DOCK7: variants seen among roughly 807,000 people sequenced by gnomAD.
DOCK7 encodes the protein dedicator of cytokinesis protein 7.
Under a neutral mutation model 271.0 loss-of-function variants are expected in DOCK7, and 138 were observed. The ratio of observed to expected loss-of-function variants is 0.51; its 90% confidence interval spans 0.44 to 0.59. DOCK7 has a LOEUF of 0.59. Ranked by LOEUF, DOCK7 falls within the 20% of genes least tolerant of loss-of-function variation. DOCK7 has a pLI of 0.00. For synonymous variants in DOCK7, 823 were observed against 876.1 expected, an observed-to-expected ratio of 0.94 and a Z score of 1.07; for missense variants, 2,066 against 2,592.4, an observed-to-expected ratio of 0.80 and a Z score of 4.41.
At chr1:62,677,076 TAA>T (rs1372417957) in intron 1 of DOCK7, among the ~76,000 whole-genome samples, 1 of 152,214 alleles carries the variant, frequency 6.6e-6, no homozygotes, top group Non-Finnish European at 1.5e-5. Flanking sequence ...GGAACCACTA[TAA>T]ATGACTAAAC....
At chr1:62,471,160 A>AACTATGTATTATATACATAGGT (rs1553150669) in intron 48 of DOCK7, among the ~76,000 whole-genome samples, 1 of 152,170 alleles carries the variant, frequency 6.6e-6, no homozygotes, top group Non-Finnish European at 1.5e-5. Context: ...TAATACATAT[A>AACTATGTATTATATACATAGGT]ACATAAAAAC....
At chr1:62,498,406 C>T (rs1243221143) in intron 37 of DOCK7, among the ~76,000 whole-genome samples, 1 of 152,034 alleles carries the variant, frequency 6.6e-6, no homozygotes, top group African/African-American at 2.4e-5. Flanking sequence ...TCTGAAAACC[C>T]ATCCCTGAAT....
chr1:62,614,063 G>T (rs575790364), intron 14 of DOCK7, among the ~76,000 whole-genome samples: 2 of 151,910 alleles, frequency 1.3e-5, no homozygotes, highest in African/African-American at 4.8e-5. Flanking sequence ...ACAAATATTT[G>T]TATAGTGACC....
intron 14 of DOCK7, among the ~76,000 whole-genome samples, chr1:62,589,739 C>T (rs1381237528): frequency 6.6e-6 from 1 of 151,798 alleles, no homozygotes; most frequent in Non-Finnish European, 1.5e-5. Flanking sequence ...TTTTCCCAAG[C>T]TGAGAGTTAT....
At chr1:62,508,467 T>C (rs1644379397) in intron 34 of DOCK7, among the ~76,000 whole-genome samples, 1 of 152,220 alleles carries the variant, frequency 6.6e-6, no homozygotes, top group Non-Finnish European at 1.5e-5. Flanking sequence ...GTATTCAGGA[T>C]AAATGTACTT....
chr1:62,533,180 A>G (rs555388288), intron 29 of DOCK7, among the ~76,000 whole-genome samples: 1 of 151,988 alleles, frequency 6.6e-6, no homozygotes, highest in Non-Finnish European at 1.5e-5. Flanking sequence ...GCTCCTTAAA[A>G]CCAAAAATAA....
intron 12 of DOCK7, among the ~76,000 whole-genome samples, chr1:62,624,514 T>A (rs911807417): frequency 7.2e-5 from 11 of 152,222 alleles, no homozygotes; most frequent in African/African-American, 2.7e-4. Flanking sequence ...GACCTCATTT[T>A]AGCACAAAAT....
rs1646502592 is a variant in DOCK7, at chr1:62,492,729, T to C, written c.5336A>G (p.Glu1779Gly). 6 of 1,614,014 alleles carry C rather than the reference T, an allele frequency of 3.7e-6. No homozygotes were observed. Among genetic ancestry groups the C allele is most frequent in the Non-Finnish European group, 5.1e-6 (6 of 1,180,000 alleles). The change falls in exon 41 of 50, where the codon GAA (glutamate) becomes GGA (glycine). Residue 1779 changes from glutamate (E) to glycine (G), a missense_variant. Coordinates refer to ENST00000635253, the MANE Select transcript of DOCK7 (RefSeq NM_001367561.1). ...FTESGLVGLL[E>G]QAAASFSMAG... ...CATAGAGAAGGAAGCAGCTGCTTGTTCCAGTAATCCCACAAGTCCTGACTC... is the reference window on the plus strand; with the variant it reads ...CATAGAGAAGGAAGCAGCTGCTTGTCCCAGTAATCCCACAAGTCCTGACTC...
chr1:62,630,333 C>T (rs1032768246), intron 11 of DOCK7, among the ~76,000 whole-genome samples: 2 of 152,096 alleles, frequency 1.3e-5, no homozygotes, highest in African/African-American at 4.8e-5. Flanking sequence ...CTGTGGTTTT[C>T]GGTCCAGCTC....
rs150751978 is a variant in DOCK7 at position 62,686,530 on chromosome 1, C to T, written c.38+1697G>A. 3.4e-3 allele frequency among the ~76,000 whole-genome samples: 520 copies of T among 151,694 alleles called. 6 individuals are homozygous for T. The highest frequency in any genetic ancestry group is 0.011 in the African/African-American group (471 of 41,258). The stretch of plus-strand genomic sequence containing the variant: ...ATGACATCATCATCAGAAGTAAGAC[C>T]TAATTATTTTACAAAAAAAAAAAAT... On this transcript the variant is annotated intron_variant, in intron 1 of 49. Coordinates refer to ENST00000635253, the MANE Select transcript of DOCK7 (RefSeq NM_001367561.1).
chr1:62,501,125 A>G (rs1250110987), intron 37 of DOCK7, among the ~76,000 whole-genome samples: 1 of 152,132 alleles, frequency 6.6e-6, no homozygotes, highest in East Asian at 1.9e-4. Context: ...TGCAGGGAGG[A>G]CTGCCTGAGC....
At chr1:62,478,769 A>C (rs926689662) in intron 43 of DOCK7, 1 of 152,152 alleles carries the variant, frequency 6.6e-6, no homozygotes, top group Non-Finnish European at 1.5e-5. Context: ...AAGGAAAAAA[A>C]AATCTATGAG....
intron 14 of DOCK7, among the ~76,000 whole-genome samples, chr1:62,613,156 T>C (rs1652006607): frequency 6.6e-6 from 1 of 152,224 alleles, no homozygotes; most frequent in Admixed American, 6.5e-5. Flanking sequence ...TTGAGAAAGA[T>C]CTTTATTTGG....
At chr1:62,497,553 A>G (rs1320547501) in intron 37 of DOCK7, among the ~76,000 whole-genome samples, 1 of 152,208 alleles carries the variant, frequency 6.6e-6, no homozygotes, top group African/African-American at 2.4e-5. Context: ...TTTTCATACC[A>G]TAAATCCAAA....
chr1:62,663,061 G>GT lies in DOCK7; in HGVS notation c.107dup (p.Asn36LysfsTer3). On this transcript the variant is annotated frameshift_variant, in exon 2 of 50. Transcript: ENST00000635253. LOFTEE classifies it high-confidence loss of function. The stretch of plus-strand genomic sequence containing the variant: ...GGGATATATTGCCAACAATATTAAG[G>GT]TTTTTGAGCAGTTGGGGAGAACCAC... 6.2e-7 allele frequency: 1 copy of GT among 1,612,868 alleles called. No homozygotes were observed. Among genetic ancestry groups the GT allele is most frequent in the Non-Finnish European group, 8.5e-7 (1 of 1,179,564 alleles).
intron 29 of DOCK7, among the ~76,000 whole-genome samples, chr1:62,531,477 T>C (rs1455140077): frequency 1.3e-5 from 2 of 152,230 alleles, no homozygotes; most frequent in African/African-American, 4.8e-5. Context: ...ATACTTCAAA[T>C]AATTCTTCAA....
chr1:62,644,274 A>C (rs1656370474), intron 7 of DOCK7, among the ~76,000 whole-genome samples: 1 of 152,236 alleles, frequency 6.6e-6, no homozygotes, highest in Admixed American at 6.5e-5. Flanking sequence ...ATAGTAGGTA[A>C]GCTTATGACC....
intron 2 of DOCK7, 147 bp from the exon 3 acceptor site, chr1:62,654,306 T>A: frequency 1.3e-6 from 1 of 748,718 alleles, no homozygotes; most frequent in Non-Finnish European, 2.1e-6. Flanking sequence ...CCAGATGCAC[T>A]AAAGAAAACA....
intron 11 of DOCK7, chr1:62,627,445 T>C (rs565055049): frequency 3.0e-4 from 45 of 152,272 alleles, no homozygotes; most frequent in African/African-American, 1.1e-3. Flanking sequence ...TACTTTTTAT[T>C]TGCAGATGAC....
Sources: gnomAD v4.1 joint callset for allele counts (sites outside exome capture counted in the v4.1 genomes callset) on GRCh38, gnomAD v4.1.1 for gene constraint, MANE v1.5 for transcripts, NCBI Gene and HGNC (gene_info 2026-07-23, HGNC 2026-07-21) for gene names.